The following ZNF407 variants were observed in gnomAD, a reference collection of about 807,000 sequenced individuals.
ZNF407 encodes zinc finger protein 407.
ZNF407 carries 17 observed loss-of-function variants against 131.2 expected under a neutral mutation model. The observed-to-expected ratio is 0.13, with a 90% CI of 0.09 to 0.19. The LOEUF (loss-of-function observed/expected upper bound fraction) is 0.19, where lower values mean the gene tolerates loss of function less well. ZNF407 is among the 10% of genes least tolerant of loss of function. The pLI is 1.00. For synonymous variants in ZNF407, 1,156 were observed against 1,062.0 expected, an observed-to-expected ratio of 1.09 and a Z score of -1.72; for missense variants, 2,681 against 2,830.6, an observed-to-expected ratio of 0.95 and a Z score of 1.20.
In ZNF407 at chr18:74,852,193, A is replaced by G. The variant is rs1188736718; in HGVS notation, c.4878-25004A>G. On this transcript the variant is annotated intron_variant, in intron 4 of 8. Transcript: ENST00000299687. ...CACACACACACACACACACACACACACACACGCACGCACGCACGCGCACGC... is the reference window on the plus strand; with the variant it reads ...CACACACACACACACACACACACACGCACACGCACGCACGCACGCGCACGC... Among the ~76,000 whole-genome samples the G allele has an allele frequency of 3.4e-4, 23 of 67,968 alleles. No homozygotes were observed. In the East Asian group the frequency reaches 7.2e-3, roughly 21 times the overall value. 44.6% of individuals were successfully genotyped at this position (67,968 alleles called of 152,430 possible).
chr18:74,998,718 G>A (rs1397912896), intron 8 of ZNF407, among the ~76,000 whole-genome samples: 5 of 123,248 alleles, frequency 4.1e-5, no homozygotes, highest in Non-Finnish European at 6.7e-5. Flanking sequence ...GAGAGGATGC[G>A]GAGAAATAGG....
chr18:74,834,557 A>C (rs943622057), intron 4 of ZNF407, among the ~76,000 whole-genome samples: 10 of 152,214 alleles, frequency 6.6e-5, no homozygotes, highest in Non-Finnish European at 1.5e-4. Flanking sequence ...GGCCCCCTTC[A>C]GAAGGTCTTT....
At chr18:74,698,760 C>T (rs1254457307) in intron 3 of ZNF407, among the ~76,000 whole-genome samples, 1 of 151,980 alleles carries the variant, frequency 6.6e-6, no homozygotes, top group East Asian at 1.9e-4. Context: ...GGAAACATGC[C>T]CAAAGTTTCT....
intron 4 of ZNF407, among the ~76,000 whole-genome samples, chr18:74,786,658 G>C (rs758962220): frequency 6.6e-6 from 1 of 151,674 alleles, no homozygotes. Flanking sequence ...TTTCGATGAC[G>C]TACTGCTTTT....
intron 3 of ZNF407, among the ~76,000 whole-genome samples, chr18:74,754,661 G>C (rs574337104): frequency 1.4e-4 from 22 of 152,152 alleles, no homozygotes; most frequent in African/African-American, 5.3e-4. Context: ...GTGTGGTTTC[G>C]AGTGTGTTTC....
At chr18:74,671,425 C>G (rs1451931313) in intron 3 of ZNF407, among the ~76,000 whole-genome samples, 2 of 151,778 alleles carry the variant, frequency 1.3e-5, no homozygotes, top group Non-Finnish European at 2.9e-5. Flanking sequence ...AAACTCATGT[C>G]ACGGGGGTTT....
In ZNF407 at chr18:74,605,857, G is replaced by T. The variant is rs75156443; in HGVS notation, c.-54+7920G>T. On this transcript the variant is annotated intron_variant, in intron 1 of 8. Coordinates refer to ENST00000299687, the MANE Select transcript of ZNF407 (RefSeq NM_017757.3). Reference sequence around the variant, plus strand: ...CAGCAAAAACCCAGCCCACGTCTGTGTGTGTTAGTGTTGGACTAGTGTGAC... The same window carrying T: ...CAGCAAAAACCCAGCCCACGTCTGTTTGTGTTAGTGTTGGACTAGTGTGAC... Among the ~76,000 whole-genome samples, 530 of 152,360 alleles carry T rather than the reference G, an allele frequency of 3.5e-3. 6 individuals are homozygous for T. Among genetic ancestry groups the T allele is most frequent in the African/African-American group, 0.011 (475 of 41,572 alleles).
chr18:74,628,707 C>A (rs947185152), intron 1 of ZNF407, among the ~76,000 whole-genome samples: 1 of 152,004 alleles, frequency 6.6e-6, no homozygotes, highest in Non-Finnish European at 1.5e-5. Flanking sequence ...TGCTTCAGCT[C>A]CGGAGTTAGG....
chr18:74,706,251 G>A (rs1291205628), intron 3 of ZNF407, among the ~76,000 whole-genome samples: 1 of 152,110 alleles, frequency 6.6e-6, no homozygotes, highest in Non-Finnish European at 1.5e-5. Flanking sequence ...TGTCTTTTCT[G>A]CTATTTACTA....
intron 4 of ZNF407, chr18:74,804,237 C>A (rs748778560): frequency 1.4e-4 from 167 of 1,228,030 alleles, no homozygotes; most frequent in Non-Finnish European, 1.7e-4. Flanking sequence ...TAGTGATTTT[C>A]TGGAAGGAAC....
chr18:74,935,983 G>A (rs1447498752), intron 8 of ZNF407, among the ~76,000 whole-genome samples: 1 of 151,978 alleles, frequency 6.6e-6, no homozygotes, highest in Non-Finnish European at 1.5e-5. Context: ...TTTGTGATGT[G>A]TGCTTTTAGA....
chr18:74,710,613 T>C (rs186008893), intron 3 of ZNF407, among the ~76,000 whole-genome samples: 30 of 152,324 alleles, frequency 2.0e-4, no homozygotes, highest in East Asian at 1.7e-3. Flanking sequence ...GTCTGTGGGA[T>C]CGTCCACATC....
chr18:74,904,943 T>C (rs1335072105), intron 7 of ZNF407, among the ~76,000 whole-genome samples: 3 of 152,230 alleles, frequency 2.0e-5, no homozygotes, highest in African/African-American at 7.2e-5. Context: ...TTTCAGGCCA[T>C]TAGCAGTTGA....
At chr18:74,602,737 C>T (rs1982635937) in intron 1 of ZNF407, among the ~76,000 whole-genome samples, 1 of 152,182 alleles carries the variant, frequency 6.6e-6, no homozygotes, top group Admixed American at 6.5e-5. Context: ...TATTTTTAGT[C>T]ACTAAGTTAC....
intron 4 of ZNF407, among the ~76,000 whole-genome samples, chr18:74,865,849 A>G (rs1971003191): frequency 6.6e-6 from 1 of 152,208 alleles, no homozygotes; most frequent in African/African-American, 2.4e-5. Flanking sequence ...GGTTTTTCCC[A>G]ATGATACCTC....
intron 4 of ZNF407, among the ~76,000 whole-genome samples, chr18:74,869,916 G>A (rs987795120): frequency 1.3e-5 from 2 of 152,214 alleles, no homozygotes; most frequent in East Asian, 3.8e-4. Context: ...AGTATTGGAT[G>A]CATAGTGTGT....
At chr18:74,886,849 G>C (rs1971317271) in intron 6 of ZNF407, among the ~76,000 whole-genome samples, 1 of 152,138 alleles carries the variant, frequency 6.6e-6, no homozygotes, top group Non-Finnish European at 1.5e-5. Context: ...TCAAATGGAA[G>C]TTTTTGTGTA....
chr18:74,816,610 GTTTTA>G (rs1970270564), intron 4 of ZNF407, among the ~76,000 whole-genome samples: 3 of 152,030 alleles, frequency 2.0e-5, no homozygotes, highest in African/African-American at 7.2e-5. Context: ...AGAATTTGGC[GTTTTA>G]TTTGTGTGTT....
intron 8 of ZNF407, among the ~76,000 whole-genome samples, chr18:75,020,749 G>C (rs1050638324): frequency 3.9e-5 from 6 of 152,052 alleles, no homozygotes; most frequent in Admixed American, 1.3e-4. Context: ...TCCTGTATTT[G>C]AAAAAATAAG....
Sources: allele counts gnomAD v4.1 joint callset (sites outside exome capture counted in the v4.1 genomes callset), GRCh38; gene constraint gnomAD v4.1.1; transcripts MANE v1.5; gene names NCBI Gene and HGNC (gene_info 2026-07-23, HGNC 2026-07-21).